TTC6: variants seen among roughly 807,000 people sequenced by gnomAD.
TTC6 encodes the protein tetratricopeptide repeat protein 6.
A neutral mutation model predicts 210.4 loss-of-function variants in TTC6; 172 were observed. The ratio of observed to expected loss-of-function variants is 0.82; its 90% CI spans 0.72 to 0.93. TTC6 has a LOEUF of 0.93. Among genes scored for constraint, TTC6 ranks in the 40% least tolerant of loss-of-function variants. The probability of loss-of-function intolerance (pLI) is 0.00; values close to 1 mark genes in which losing one functional copy is unlikely to be tolerated. For synonymous variants in TTC6, 804 were observed against 819.6 expected (o/e 0.98, Z 0.32); for missense variants, 2,414 against 2,318.1 (o/e 1.04, Z -0.85).
At chr14:37,792,866 G>C (rs1160446973) in intron 17 of TTC6, among the ~76,000 whole-genome samples, 1 of 148,844 alleles carries the variant, frequency 6.7e-6, no homozygotes, top group Non-Finnish European at 1.5e-5. Flanking sequence ...CCATAGAATG[G>C]GATACTGACC....
chr14:37,726,712 C>G (rs2138848060), intron 7 of TTC6, among the ~76,000 whole-genome samples: 1 of 151,970 alleles, frequency 6.6e-6, no homozygotes, highest in East Asian at 1.9e-4. Flanking sequence ...TTGGACTCAT[C>G]TGAGCCATTT....
chr14:37,824,042 G>C, intron 27 of TTC6, 85 bp downstream of exon 29: 1 of 1,226,536 alleles, frequency 8.2e-7, no homozygotes, highest in South Asian at 1.3e-5. Context: ...GGGAGTATAT[G>C]TTATTTCTTT....
chr14:37,619,149 T>C (rs61987976), upstream of TTC6, among the ~76,000 whole-genome samples: 30,835 of 152,092 alleles, frequency 0.2, 3,409 homozygotes, highest in South Asian at 0.27. Context: ...TCATATCCTA[T>C]GGCCTGGAAA....
At chr14:37,636,377 A>C (rs967665373) in intron 1 of TTC6, among the ~76,000 whole-genome samples, 4 of 152,208 alleles carry the variant, frequency 2.6e-5, no homozygotes, top group African/African-American at 9.6e-5. Context: ...TGGGCCATAA[A>C]ATGAACCTTA....
intron 14 of TTC6, among the ~76,000 whole-genome samples, chr14:37,754,080 ATTATT>A (rs1376628018): frequency 2.0e-5 from 3 of 152,056 alleles, no homozygotes; most frequent in Admixed American, 6.6e-5. Flanking sequence ...TTTTTAAAAT[ATTATT>A]TTATTTTAGT....
At chr14:37,602,704 C>T (rs1322266853) in intron 1 of TTC6, among the ~76,000 whole-genome samples, 2 of 152,164 alleles carry the variant, frequency 1.3e-5, no homozygotes, top group African/African-American at 2.4e-5. Context: ...GCTTTCAGGT[C>T]CTCTTCTCCA....
At chr14:37,715,944 A>C (rs1400513354) in intron 6 of TTC6, among the ~76,000 whole-genome samples, 2 of 152,188 alleles carry the variant, frequency 1.3e-5, no homozygotes, top group Admixed American at 1.3e-4. Flanking sequence ...AAGTACAATA[A>C]AATTTCCTTC....
intron 1 of TTC6, among the ~76,000 whole-genome samples, chr14:37,635,957 G>A (rs2095679408): frequency 8.1e-6 from 1 of 122,988 alleles, no homozygotes; most frequent in Non-Finnish European, 1.6e-5. Flanking sequence ...CCAGCCCCTG[G>A]CAACAAGAGC....
intron 25 of TTC6, 24 bp from the exon 28 acceptor site, chr14:37,817,554 C>T: frequency 6.2e-7 from 1 of 1,607,734 alleles, no homozygotes; most frequent in Non-Finnish European, 8.5e-7. Flanking sequence ...GCAAAATTAA[C>T]AAAAGCTTAT....
At chr14:37,809,553 T>C (rs1027913672) in intron 24 of TTC6, among the ~76,000 whole-genome samples, 3 of 152,100 alleles carry the variant, frequency 2.0e-5, no homozygotes, top group African/African-American at 4.8e-5. Flanking sequence ...ACTAGCAATA[T>C]TGTGGTTTCA....
At chr14:37,737,734 G>A in exon 9 of TTC6, 1 of 1,477,708 alleles carries the variant, frequency 6.8e-7, no homozygotes, top group South Asian at 1.3e-5. Flanking sequence ...CACAACTAAG[G>A]GTATTATAAT....
At chr14:37,840,555 T>G (rs1018548325) in intron 29 of TTC6, among the ~76,000 whole-genome samples, 6 of 152,038 alleles carry the variant, frequency 3.9e-5, no homozygotes, top group Non-Finnish European at 5.9e-5. Flanking sequence ...AAAAAGAAAT[T>G]TTTAGGCCAA....
Position 37,622,446 on chromosome 14 carries a change from C to T in TTC6, c.382C>T (p.Leu128=). Residue 128 remains leucine, a synonymous_variant, in exon 1 of 31, where the codon CTA becomes TTA. Coordinates refer to ENST00000553443, the Ensembl canonical transcript of TTC6. Reference sequence around the variant, plus strand: ...CTTTTACTTGCGGAGCTCCGCGTTCCTACGGCACCAGGCCCTGAAAAAGCC... The same window carrying T: ...CTTTTACTTGCGGAGCTCCGCGTTCTTACGGCACCAGGCCCTGAAAAAGCC... 2.0e-6 allele frequency: 3 copies of T among 1,535,186 alleles called. No homozygotes were observed. In the South Asian group the frequency reaches 3.6e-5, roughly 18 times the overall value.
At chr14:37,734,403 A>T (rs1255986320) in intron 7 of TTC6, among the ~76,000 whole-genome samples, 1 of 152,200 alleles carries the variant, frequency 6.6e-6, no homozygotes, top group African/African-American at 2.4e-5. Flanking sequence ...TCAGAGTTGT[A>T]GTTGTTTTGG....
At chr14:37,692,388 C>CA (rs1229648545) in intron 3 of TTC6, among the ~76,000 whole-genome samples, 2 of 151,680 alleles carry the variant, frequency 1.3e-5, no homozygotes, top group Admixed American at 1.3e-4. Flanking sequence ...AAGGATGGTT[C>CA]AACATATGCA....
intron 25 of TTC6, among the ~76,000 whole-genome samples, chr14:37,815,995 T>C (rs1264021184): frequency 6.6e-6 from 1 of 151,508 alleles, no homozygotes; most frequent in Non-Finnish European, 1.5e-5. Context: ...CTTCCAAAAT[T>C]AATGGGAATG....
At chr14:37,617,624 T>C (rs775891390), upstream of TTC6, among the ~76,000 whole-genome samples, 6 of 152,192 alleles carry the variant, frequency 3.9e-5, no homozygotes, top group Non-Finnish European at 7.4e-5. Context: ...TTTATATATT[T>C]CTTTTGAGGC....
chr14:37,607,722 G>T (rs1353728189), intron 2 of TTC6, among the ~76,000 whole-genome samples: 1 of 150,546 alleles, frequency 6.6e-6, no homozygotes, highest in African/African-American at 2.4e-5. Flanking sequence ...TTGGACTCCT[G>T]GGCTCCAACA....
rs187569299 is a variant in TTC6 at position 37,626,103 on chromosome 14, G to A, written c.939+3100G>A. ...ATGTTGCCAGATGAGCCCTTGAGGC[G>A]GGGGCAAAATTATGCCACCCTCTTT... On this transcript the variant is annotated intron_variant, in intron 1 of 30. Coordinates refer to ENST00000553443, the Ensembl canonical transcript of TTC6. 2.4e-3 allele frequency among the ~76,000 whole-genome samples: 359 copies of A among 152,194 alleles called. 2 individuals carry two copies. The highest frequency in any genetic ancestry group is 8.0e-3 in the African/African-American group (334 of 41,518).
Sources: allele counts gnomAD v4.1 joint callset (sites outside exome capture counted in the v4.1 genomes callset), GRCh38; gene constraint gnomAD v4.1.1; transcripts MANE v1.5; gene names NCBI Gene and HGNC (gene_info 2026-07-23, HGNC 2026-07-21).